The following ZNF385B variants were observed in gnomAD, a reference collection of about 807,000 sequenced individuals.
ZNF385B encodes zinc finger protein 533.
ZNF385B carries 23 observed loss-of-function variants against 39.2 expected under a neutral mutation model. That is an observed-to-expected ratio of 0.59 (90% CI 0.42 to 0.83). The LOEUF (loss-of-function observed/expected upper bound fraction) is 0.83. Among genes scored for constraint, ZNF385B ranks in the 40% least tolerant of loss-of-function variants. ZNF385B has a pLI of 0.00. For missense variants in ZNF385B, 552 were observed against 598.9 expected (o/e 0.92, Z 0.82); for synonymous variants, 205 against 222.6 (o/e 0.92, Z 0.70).
At chr2:179,491,699 G>A (rs112504986) in intron 5 of ZNF385B, among the ~76,000 whole-genome samples, 21,781 of 151,816 alleles carry the variant, frequency 0.14, 1,680 homozygotes, top group Non-Finnish European at 0.17. Context: ...TTTTTCATTC[G>A]CTTATTTATT....
intron 5 of ZNF385B, among the ~76,000 whole-genome samples, chr2:179,497,358 T>C (rs1256094308): frequency 1.3e-5 from 2 of 152,018 alleles, no homozygotes; most frequent in Admixed American, 6.6e-5. Flanking sequence ...TTTCAAGACA[T>C]AGTACAATAA....
chr2:179,643,197 C>T (rs1692422651), intron 3 of ZNF385B, among the ~76,000 whole-genome samples: 1 of 150,672 alleles, frequency 6.6e-6, no homozygotes. Context: ...CTAGTATTCA[C>T]CACAGTGAGC....
chr2:179,454,024 A>T (rs2050424169), intron 6 of ZNF385B, among the ~76,000 whole-genome samples: 1 of 152,218 alleles, frequency 6.6e-6, no homozygotes, highest in African/African-American at 2.4e-5. Flanking sequence ...TGGAACACGG[A>T]AGAAAGAGCA....
intron 3 of ZNF385B, among the ~76,000 whole-genome samples, chr2:179,589,567 C>G (rs115631081): frequency 6.6e-6 from 1 of 152,180 alleles, no homozygotes; most frequent in Non-Finnish European, 1.5e-5. Context: ...AATGGTAGCT[C>G]TCTCTTACAC....
At chr2:179,736,756 G>A (rs1346571721) in intron 3 of ZNF385B, among the ~76,000 whole-genome samples, 1 of 152,144 alleles carries the variant, frequency 6.6e-6, no homozygotes, top group African/African-American at 2.4e-5. Flanking sequence ...GATTGCCTGA[G>A]CTCAGGAGTT....
intron 1 of ZNF385B, among the ~76,000 whole-genome samples, chr2:179,849,145 C>T (rs1281927974): frequency 6.6e-6 from 1 of 152,194 alleles, no homozygotes; most frequent in African/African-American, 2.4e-5. Context: ...ATCCCAATGC[C>T]ACCTCCCAAA....
At chr2:179,740,111 C>T (rs1337838227) in intron 3 of ZNF385B, among the ~76,000 whole-genome samples, 1 of 152,132 alleles carries the variant, frequency 6.6e-6, no homozygotes, top group Non-Finnish European at 1.5e-5. Flanking sequence ...GTAGCCTGCC[C>T]TCTCCCAGCA....
intron 3 of ZNF385B, among the ~76,000 whole-genome samples, chr2:179,554,953 C>T (rs753451916): frequency 1.3e-5 from 2 of 149,276 alleles, no homozygotes; most frequent in Non-Finnish European, 3.0e-5. Context: ...TCTATTTAAG[C>T]TGAATATATA....
At chr2:179,537,653 A>G (rs569301106) in intron 4 of ZNF385B, among the ~76,000 whole-genome samples, 1 of 152,240 alleles carries the variant, frequency 6.6e-6, no homozygotes, top group East Asian at 1.9e-4. Context: ...ACGCAGAAGA[A>G]TAGCTTGAAT....
At chr2:179,855,786 C>G (rs16867045) in intron 1 of ZNF385B, among the ~76,000 whole-genome samples, 44,887 of 151,970 alleles carry the variant, frequency 0.3, 7,109 homozygotes, top group Admixed American at 0.43. Flanking sequence ...ACAGCTACTA[C>G]CATTTCTTGA....
chr2:179,456,057 C>T (rs528876551), intron 6 of ZNF385B, among the ~76,000 whole-genome samples: 17 of 152,180 alleles, frequency 1.1e-4, no homozygotes, highest in South Asian at 6.2e-4. Flanking sequence ...ATGCATATCT[C>T]GGAATGTATC....
At chr2:179,587,496 T>C (rs2106057930) in intron 3 of ZNF385B, among the ~76,000 whole-genome samples, 1 of 152,320 alleles carries the variant, frequency 6.6e-6, no homozygotes, top group Non-Finnish European at 1.5e-5. Flanking sequence ...ACTTAACTGA[T>C]GAATCTGTTT....
intron 5 of ZNF385B, among the ~76,000 whole-genome samples, chr2:179,505,782 T>C (rs1174282921): frequency 6.6e-6 from 1 of 152,078 alleles, no homozygotes; most frequent in Non-Finnish European, 1.5e-5. Flanking sequence ...GTGGGACAGT[T>C]CACTTCAGGT....
chr2:179,735,813 A>G (rs989188899), intron 3 of ZNF385B, among the ~76,000 whole-genome samples: 2 of 148,302 alleles, frequency 1.3e-5, no homozygotes, highest in Non-Finnish European at 3.0e-5. Flanking sequence ...ATTCTCACTC[A>G]TAGGTGGGAA....
chr2:179,643,506 A>T (rs1287962053), intron 3 of ZNF385B, among the ~76,000 whole-genome samples: 2 of 152,178 alleles, frequency 1.3e-5, no homozygotes, highest in African/African-American at 4.8e-5. Context: ...TGTGTTATCA[A>T]ATGGAATGAA....
intron 3 of ZNF385B, among the ~76,000 whole-genome samples, chr2:179,762,601 C>T (rs987376821): frequency 6.6e-6 from 1 of 152,140 alleles, no homozygotes; most frequent in Non-Finnish European, 1.5e-5. Flanking sequence ...AATTTGCTCA[C>T]ATTTTGTTGA....
intron 3 of ZNF385B, among the ~76,000 whole-genome samples, chr2:179,628,733 G>C (rs1185970785): frequency 6.6e-6 from 1 of 152,184 alleles, no homozygotes; most frequent in East Asian, 1.9e-4. Flanking sequence ...TGACAAAAGA[G>C]TGATGGTTTA....
intron 3 of ZNF385B, among the ~76,000 whole-genome samples, chr2:179,572,337 GC>G (rs1028573071): frequency 6.6e-6 from 1 of 152,124 alleles, no homozygotes. Flanking sequence ...CCTTCATGGA[GC>G]TAACTGCCTC....
intron 4 of ZNF385B, among the ~76,000 whole-genome samples, chr2:179,535,458 GT>G (rs1440449398): frequency 1.3e-5 from 2 of 152,092 alleles, no homozygotes; most frequent in African/African-American, 4.8e-5. Flanking sequence ...TAGATTTTTT[GT>G]TTTTCCTTTT....
Sources: gnomAD v4.1 joint callset for allele counts (sites outside exome capture counted in the v4.1 genomes callset) on GRCh38, gnomAD v4.1.1 for gene constraint, MANE v1.5 for transcripts, NCBI Gene and HGNC (gene_info 2026-07-23, HGNC 2026-07-21) for gene names.